Variants in SERPINB6 observed in about 807,000 individuals in gnomAD.
SERPINB6 encodes serpin family B member 6.
A neutral mutation model predicts 26.1 loss-of-function variants in SERPINB6; 16 were observed. The observed-to-expected ratio is 0.61, with a 90% CI of 0.42 to 0.93. The LOEUF (loss-of-function observed/expected upper bound fraction) is 0.93. Among genes scored for constraint, SERPINB6 ranks in the 40% least tolerant of loss-of-function variants. SERPINB6 has a pLI of 0.00. For synonymous variants in SERPINB6, 174 were observed against 176.6 expected (o/e 0.99, Z 0.11); for missense variants, 420 against 478.0 (o/e 0.88, Z 1.13).
intron 1 of SERPINB6, chr6:2,969,412 AAAATTT>A: frequency 1.0e-6 from 1 of 967,304 alleles, no homozygotes; most frequent in Non-Finnish European, 1.2e-6. Flanking sequence ...TAATTGTTTC[AAAATTT>A]AAAAACTATA....
chr6:2,954,113 G>T (rs867431148), intron 4 of SERPINB6, among the ~76,000 whole-genome samples: 1 of 142,778 alleles, frequency 7.0e-6, no homozygotes. Context: ...GGGAGACCTT[G>T]TCTCAAAAAA....
intron 5 of SERPINB6, among the ~76,000 whole-genome samples, chr6:2,949,955 G>T (rs1278832735): frequency 2.0e-5 from 3 of 152,180 alleles, no homozygotes; most frequent in Non-Finnish European, 2.9e-5. Context: ...AGAACCTGGA[G>T]AGTGAACTTC....
At chr6:2,950,268 C>T (rs1014171823) in intron 5 of SERPINB6, among the ~76,000 whole-genome samples, 8 of 152,144 alleles carry the variant, frequency 5.3e-5, no homozygotes, top group Non-Finnish European at 8.8e-5. Context: ...CATGGTGGCT[C>T]ATGCCTGTAA....
chr6:2,970,373 A>T, intron 1 of SERPINB6: 1 of 1,004,916 alleles, frequency 1.0e-6, no homozygotes, highest in South Asian at 4.7e-5. Context: ...ATCACAATGG[A>T]TGCAATTACT....
At chr6:2,968,603 T>G in intron 1 of SERPINB6, 1 of 1,217,864 alleles carries the variant, frequency 8.2e-7, no homozygotes, top group Non-Finnish European at 1.0e-6. Flanking sequence ...GTTTATTGAG[T>G]CTTCCGTTCC....
chr6:2,966,476 G>A (rs180839629), intron 1 of SERPINB6: 1 of 931,430 alleles, frequency 1.1e-6, no homozygotes, highest in Admixed American at 6.2e-5. Context: ...GTGAGCAGCA[G>A]GTGAGCGAAC....
Position 2,949,040 on chromosome 6 carries a change from A to G in SERPINB6, c.603T>C (p.Phe201=), listed in dbSNP as rs1047315. Residue 201 remains phenylalanine (F), a synonymous_variant, in exon 6 of 7, where the codon TTT becomes TTC. Transcript: ENST00000380539. ...KNEEKPVQMM[F]KQSTFKKTYI... Reference sequence around the variant, plus strand: ...AGGTCTTCTTAAAAGTAGATTGCTTAAACATCATTTGCACAGGTTTCTCCT... The same window carrying G: ...AGGTCTTCTTAAAAGTAGATTGCTTGAACATCATTTGCACAGGTTTCTCCT... The G allele has an allele frequency of 1.9e-6, 3 of 1,614,234 alleles. No individual in the cohort carries two copies. Among genetic ancestry groups the G allele is most frequent in the Non-Finnish European group, 2.5e-6 (3 of 1,180,038 alleles).
chr6:2,950,225 C>T (rs1360259420), intron 5 of SERPINB6, among the ~76,000 whole-genome samples: 3 of 152,116 alleles, frequency 2.0e-5, no homozygotes, highest in African/African-American at 7.2e-5. Flanking sequence ...TAGCACCATG[C>T]CTGATACATA....
In SERPINB6 at chr6:2,955,570, C is replaced by A. The variant is rs760875056; in HGVS notation, c.266G>T (p.Arg89Met). The change falls in exon 3 of 7, where the codon AGG (arginine) becomes ATG (methionine). Residue 89 changes from arginine to methionine, a missense_variant. Transcript: ENST00000380539. ...TTCCCCAAAGAGCCTGTTGGCCATCCTAAGCAAGTACTGCGTGCCAGTCTT... is the reference window on the plus strand; with the variant it reads ...TTCCCCAAAGAGCCTGTTGGCCATCATAAGCAAGTACTGCGTGCCAGTCTT... ...VNKTGTQYLL[R>M]MANRLFGEKS... 6.2e-7 allele frequency: 1 copy of A among 1,614,216 alleles called. No homozygotes were observed. The highest frequency in any genetic ancestry group is 8.5e-7 in the Non-Finnish European group (1 of 1,180,030).
chr6:2,951,178 G>A (rs1310300440), intron 5 of SERPINB6, among the ~76,000 whole-genome samples: 2 of 152,158 alleles, frequency 1.3e-5, no homozygotes, highest in Non-Finnish European at 2.9e-5. Context: ...CTGAGGTCAG[G>A]AGTTCGAGAC....
At chr6:2,959,719 G>A (rs938908379) in intron 1 of SERPINB6, 10 of 288,712 alleles carry the variant, frequency 3.5e-5, no homozygotes, top group Non-Finnish European at 5.4e-5. Flanking sequence ...GGGCTTAAAT[G>A]TACTGTTTTA....
At chr6:2,970,512 G>C (rs1244753627) in intron 1 of SERPINB6, 5 of 1,166,568 alleles carry the variant, frequency 4.3e-6, no homozygotes, top group Non-Finnish European at 5.3e-6. Flanking sequence ...GAAGGTCACT[G>C]AACACATCAG....
At chr6:2,964,444 A>G (rs1386475916) in intron 1 of SERPINB6, among the ~76,000 whole-genome samples, 1 of 152,232 alleles carries the variant, frequency 6.6e-6, no homozygotes, top group Non-Finnish European at 1.5e-5. Context: ...TACAATTTAA[A>G]TTTATCCATG....
chr6:2,951,738 A>C (rs534293960), intron 5 of SERPINB6, among the ~76,000 whole-genome samples: 1 of 152,058 alleles, frequency 6.6e-6, no homozygotes, highest in East Asian at 1.9e-4. Flanking sequence ...CCCTTCCTTC[A>C]CCCTTCTTCA....
chr6:2,948,218 A>C lies in SERPINB6; in HGVS notation c.*80T>G. On this transcript the variant is annotated 3_prime_UTR_variant, in exon 7 of 7. Coordinates refer to ENST00000380539, the MANE Select transcript of SERPINB6 (RefSeq NM_004568.6). The surrounding 1 kb of genome is among the most constrained non-coding windows in gnomAD (Gnocchi z 5.0). ...CTGAACTGCCACCACTGCACGGATA[A>C]GGCCACTTGGGTTGCAGGCACACTG... 1.3e-6 allele frequency: 2 copies of C among 1,555,110 alleles called. No individual in the cohort carries two copies. Among genetic ancestry groups the C allele is most frequent in the Non-Finnish European group, 1.8e-6 (2 of 1,128,494 alleles).
chr6:2,966,202 C>T (rs1771624906), intron 1 of SERPINB6, among the ~76,000 whole-genome samples: 1 of 152,184 alleles, frequency 6.6e-6, no homozygotes, highest in South Asian at 2.1e-4. Flanking sequence ...CATAGCAATC[C>T]TAGACACAGT....
intron 1 of SERPINB6, chr6:2,970,645 C>T (rs1227443676): frequency 1.6e-6 from 2 of 1,216,578 alleles, no homozygotes; most frequent in African/African-American, 3.3e-5. Context: ...TGCCCCCTCG[C>T]ATCTGAGTAT....
At chr6:2,961,883 A>G (rs1771153157) in intron 1 of SERPINB6, 1 of 985,072 alleles carries the variant, frequency 1.0e-6, no homozygotes, top group African/African-American at 1.7e-5. Context: ...CAAATGCTGA[A>G]GGACTCTTAC....
chr6:2,948,214 G>C lies in SERPINB6; in HGVS notation c.*84C>G, dbSNP rs1383482061. Reference sequence around the variant, plus strand: ...ATTTCTGAACTGCCACCACTGCACGGATAAGGCCACTTGGGTTGCAGGCAC... The same window carrying C: ...ATTTCTGAACTGCCACCACTGCACGCATAAGGCCACTTGGGTTGCAGGCAC... On this transcript the variant is annotated 3_prime_UTR_variant, in exon 7 of 7. Coordinates refer to ENST00000380539, the MANE Select transcript of SERPINB6 (RefSeq NM_004568.6). This position sits in a 1 kb window ranked among gnomAD's most constrained non-coding sequence, Gnocchi z 5.0. 1 of 1,538,660 alleles carries C rather than the reference G, an allele frequency of 6.5e-7. No homozygotes were observed. The highest frequency in any genetic ancestry group is 9.0e-7 in the Non-Finnish European group (1 of 1,113,724).
Sources: allele counts gnomAD v4.1 joint callset (sites outside exome capture counted in the v4.1 genomes callset), GRCh38; gene constraint gnomAD v4.1.1; non-coding constraint Gnocchi (gnomAD v3.1); transcripts MANE v1.5; gene names NCBI Gene and HGNC (gene_info 2026-07-23, HGNC 2026-07-21).